ESPN: variants seen among roughly 807,000 people sequenced by gnomAD.
ESPN encodes espin, also known as autosomal recessive deafness type 36 protein.
ESPN carries 68 observed loss-of-function variants against 77.7 expected under a neutral mutation model. The ratio of observed to expected loss-of-function variants is 0.87; its 90% CI spans 0.72 to 1.07. The LOEUF (loss-of-function observed/expected upper bound fraction) is 1.07, where lower values mean the gene tolerates loss of function less well. Among genes scored for constraint, ESPN ranks in the 50% least tolerant of loss-of-function variants. The probability of loss-of-function intolerance (pLI) is 0.00; values close to 1 mark genes in which losing one functional copy is unlikely to be tolerated. For missense variants in ESPN, 1,060 were observed against 1,239.0 expected (o/e 0.86, Z 2.17); for synonymous variants, 449 against 567.1 (o/e 0.79, Z 2.96).
chr1:6,449,299 G>A (rs1643906631), intron 8 of ESPN, among the ~76,000 whole-genome samples: 1 of 152,232 alleles, frequency 6.6e-6, no homozygotes, highest in Non-Finnish European at 1.5e-5. Context: ...GGGCTGCACG[G>A]CCTGGGGCAA....
At chr1:6,441,755 G>T (rs1174925843) in intron 5 of ESPN, among the ~76,000 whole-genome samples, 2 of 152,220 alleles carry the variant, frequency 1.3e-5, no homozygotes, top group Non-Finnish European at 2.9e-5. Flanking sequence ...AAAGGATGCG[G>T]ACCAACTCCA....
At chr1:6,453,058 T>G (rs1643980646) in intron 10 of ESPN, among the ~76,000 whole-genome samples, 1 of 152,168 alleles carries the variant, frequency 6.6e-6, no homozygotes, top group Non-Finnish European at 1.5e-5. Context: ...AATGCCCTGC[T>G]AATTTTTGTA....
At chr1:6,440,867 G>T (rs1377997080) in intron 4 of ESPN, 59 bp downstream of exon 4, 1 of 1,507,030 alleles carries the variant, frequency 6.6e-7, no homozygotes, top group Admixed American at 2.2e-5. Context: ...CTTTCAGCAC[G>T]GCCCTGCCCG....
chr1:6,457,494 C>T, intron 12 of ESPN, 122 bp downstream of exon 12: 1 of 1,177,466 alleles, frequency 8.5e-7, no homozygotes, highest in Non-Finnish European at 1.3e-6. Flanking sequence ...AGCACAGCCT[C>T]CTTCCTCCCT....
Position 6,447,841 on chromosome 1 carries a change from G to C in ESPN, c.1465-800G>C, listed in dbSNP as rs1410275537. Among the ~76,000 whole-genome samples, 1 of 152,104 alleles carries C rather than the reference G, an allele frequency of 6.6e-6. No homozygotes were observed. ...AGGTGGGGGCTCAGCTCCCAGCTTA[G>C]GGAGAGGCGCAGGGGGCGGGGTCAC... is the stretch of plus-strand genomic sequence containing the variant. On this transcript the variant is annotated intron_variant, in intron 7 of 12. Transcript: ENST00000645284. This position sits in a 1 kb window ranked among gnomAD's most constrained non-coding sequence, Gnocchi z 5.2.
At position 6,445,707 on chromosome 1, in the gene ESPN, C is replaced by A. The variant is rs1330166989; in HGVS notation, c.1236C>A (p.Asp412Glu). The change falls in exon 7 of 13, where the codon GAC (aspartate) becomes GAA (glutamate). Residue 412 changes from aspartate (D) to glutamate (E), a missense_variant. By Grantham distance (45) the Asp-to-Glu change is conservative. Transcript: ENST00000645284. ...ARAADIQSYM[D>E]MLNPELGLPR... ...CTGCAGACATACAGAGCTACATGGACATGCTGAACCCGGAGCTGGGCCTGC... is the reference window on the plus strand; with the variant it reads ...CTGCAGACATACAGAGCTACATGGAAATGCTGAACCCGGAGCTGGGCCTGC... The A allele has an allele frequency of 6.2e-7, 1 of 1,612,456 alleles. No individual in the cohort carries two copies. The highest frequency in any genetic ancestry group is 2.2e-5 in the East Asian group (1 of 44,878).
intron 2 of ESPN, among the ~76,000 whole-genome samples, chr1:6,438,805 G>C (rs1340290976): frequency 6.6e-6 from 1 of 152,248 alleles, no homozygotes; most frequent in Admixed American, 6.5e-5. Flanking sequence ...TGTAATCTCA[G>C]TTGATGGTCA....
chr1:6,449,146 G>A, intron 8 of ESPN, 55 bp downstream of exon 8: 1 of 1,415,364 alleles, frequency 7.1e-7, no homozygotes, highest in South Asian at 1.4e-5. Flanking sequence ...AAAGGGGAGG[G>A]AAATCTAGAC....
rs774048752 is a variant in ESPN, at chr1:6,451,875, G to A, written c.2104G>A (p.Val702Ile). 1 of 1,611,710 alleles carries A rather than the reference G, an allele frequency of 6.2e-7. No homozygotes were observed. The highest frequency in any genetic ancestry group is 8.5e-7 in the Non-Finnish European group (1 of 1,179,296). The change falls in exon 10 of 13, where the codon GTC becomes ATC. Residue 702 changes from valine to isoleucine, a missense_variant. Physicochemically the swap from Val to Ile is conservative, Grantham distance 29. Around this residue, in one of 3 missense-constraint regions of ESPN, gnomAD observed 374 missense variants for 381.4 expected, o/e 0.98. Transcript: ENST00000645284. This position sits in a 1 kb window ranked among gnomAD's most constrained non-coding sequence, Gnocchi z 4.3. The part of the protein sequence containing the change: ...LPSVSPALSP[V>I]RSPTPPAAGF... ...TTCTGTGTCACCTGCACTGTCACCA[G>A]TCCGGAGCCCCACACCGCCAGCTGC...
chr1:6,449,712 C>T (rs762776454), intron 8 of ESPN, among the ~76,000 whole-genome samples: 14 of 152,236 alleles, frequency 9.2e-5, no homozygotes, highest in Non-Finnish European at 1.9e-4. Context: ...CGTGTTTCCC[C>T]CTCCCTCCCC....
chr1:6,461,237 C>A, downstream of ESPN: 1 of 748,704 alleles, frequency 1.3e-6, no homozygotes, highest in Non-Finnish European at 2.4e-6. This position sits in a 1 kb window ranked among gnomAD's most constrained non-coding sequence, Gnocchi z 6.3. Context: ...TGTCTTCACC[C>A]CCTCTCGACA....
intron 10 of ESPN, 136 bp from the exon 11 acceptor site, chr1:6,457,048 C>A (rs1386321090): frequency 2.3e-6 from 2 of 885,612 alleles, no homozygotes; most frequent in Non-Finnish European, 3.7e-6. Context: ...TGACCAGGCA[C>A]CTCCATCCAC....
At position 6,428,071 on chromosome 1, in the gene ESPN, C is replaced by CA. The variant is rs199582087; in HGVS notation, c.295-147dup. The stretch of plus-strand genomic sequence containing the variant: ...ACTCAAACCCAGGATCCGCTTGACC[C>CA]AAAAAAAACATTGCTGAATGAGGCC... On this transcript the variant is annotated intron_variant, in intron 1 of 12. Transcript: ENST00000645284. This position sits in a 1 kb window ranked among gnomAD's most constrained non-coding sequence, Gnocchi z 5.4. Among the ~76,000 whole-genome samples, 1,802 of 151,988 alleles carry CA rather than the reference C, an allele frequency of 0.012. 18 individuals carry two copies. Among genetic ancestry groups the CA allele is most frequent in the African/African-American group, 0.017 (689 of 41,474 alleles).
chr1:6,427,816 T>C lies in ESPN; in HGVS notation c.295-410T>C, dbSNP rs570747936. On this transcript the variant is annotated intron_variant, in intron 1 of 12. Coordinates refer to ENST00000645284, the MANE Select transcript of ESPN (RefSeq NM_031475.3). This position sits in a 1 kb window ranked among gnomAD's most constrained non-coding sequence, Gnocchi z 4.6. ...GGTACAGCCCCACAGCCCCCCTTCC[T>C]GGCCCTGCTCAGCCCAGTAACCCTG... Among the ~76,000 whole-genome samples the C allele has an allele frequency of 6.6e-6, 1 of 152,328 alleles. No individual in the cohort carries two copies. The highest frequency in any genetic ancestry group is 1.9e-4 in the East Asian group (1 of 5,188).
Position 6,445,855 on chromosome 1 carries a change from G to C in ESPN, c.1384G>C (p.Val462Leu). 1 of 1,604,232 alleles carries C rather than the reference G, an allele frequency of 6.2e-7. No homozygotes were observed. Among genetic ancestry groups the C allele is most frequent in the Non-Finnish European group, 8.5e-7 (1 of 1,178,128 alleles). The change falls in exon 7 of 13, where the codon GTA becomes CTA. Residue 462 changes from valine to leucine, a missense_variant. Val to Leu is a conservative substitution (Grantham distance 32). Transcript: ENST00000645284. The part of the protein sequence containing the change: ...PPGYPAPKPP[V>L]GPQAADIYMQ... ...TGGCTACCCAGCTCCCAAGCCTCCT[G>C]TAGGACCACAGGCAGCTGACATCTA...
At chr1:6,453,167 T>G (rs1313277363) in intron 10 of ESPN, among the ~76,000 whole-genome samples, 1 of 152,242 alleles carries the variant, frequency 6.6e-6, no homozygotes, top group African/African-American at 2.4e-5. Flanking sequence ...GTGCTGGGAT[T>G]ACAGGCGTGA....
chr1:6,432,586 G>C (rs909830652), intron 2 of ESPN, among the ~76,000 whole-genome samples: 1 of 152,206 alleles, frequency 6.6e-6, no homozygotes, highest in Admixed American at 6.5e-5. Flanking sequence ...ACCCTTCTAA[G>C]GGGGAGAGCT....
At chr1:6,446,741 G>A (rs1643854292) in intron 7 of ESPN, among the ~76,000 whole-genome samples, 1 of 152,322 alleles carries the variant, frequency 6.6e-6, no homozygotes, top group South Asian at 2.1e-4. Context: ...TGAGGGGACA[G>A]CCTGAGGTCA....
intron 3 of ESPN, 21 bp from the exon 4 acceptor site, chr1:6,440,605 C>CT: frequency 8.4e-6 from 10 of 1,185,368 alleles, no homozygotes; most frequent in Admixed American, 2.1e-5. Context: ...CCGCCCCCCT[C>CT]TCCCCGCCCG....
Sources: allele counts gnomAD v4.1 joint callset (sites outside exome capture counted in the v4.1 genomes callset), GRCh38; gene constraint gnomAD v4.1.1; regional missense constraint gnomAD v4.1.1; non-coding constraint Gnocchi (gnomAD v3.1); transcripts MANE v1.5; gene names NCBI Gene and HGNC (gene_info 2026-07-23, HGNC 2026-07-21).